The following ZNF585B variants were observed in gnomAD, a reference collection of about 807,000 sequenced individuals.
ZNF585B encodes the protein zinc finger protein 585B.
In ZNF585B, 7 loss-of-function variants were observed where a neutral mutation model predicts 14.0. That is an observed-to-expected ratio of 0.50 (90% CI 0.28 to 0.94). ZNF585B has a LOEUF of 0.94. ZNF585B is among the 40% of genes least tolerant of loss of function. The pLI, the probability that ZNF585B is intolerant of heterozygous loss-of-function variation, is 0.09. For synonymous variants in ZNF585B, 290 were observed against 317.3 expected, an observed-to-expected ratio of 0.91 and a Z score of 0.91; for missense variants, 750 against 924.4, an observed-to-expected ratio of 0.81 and a Z score of 2.45.
chr19:37,199,262 C>T (rs1452451776), intron 2 of ZNF585B: 3 of 377,480 alleles, frequency 7.9e-6, no homozygotes, highest in Non-Finnish European at 1.5e-5. Context: ...GTGCAGTGGC[C>T]CATGCTGTAA....
Position 37,183,298 on chromosome 19 carries a change from G to A in ZNF585B, c.*1929C>T, listed in dbSNP as rs1396364481. The A allele has an allele frequency of 6.6e-6, 1 of 152,186 alleles. No homozygotes were observed. The highest frequency in any genetic ancestry group is 1.5e-5 in the Non-Finnish European group (1 of 68,066). 9.4% of individuals were successfully genotyped at this position (152,186 alleles called of 1,614,324 possible). A position where few individuals can be genotyped will look rare whatever the true frequency, so the allele number is the denominator to read the frequency against. On this transcript the variant is annotated 3_prime_UTR_variant, in exon 5 of 5. Coordinates refer to ENST00000532828, the MANE Select transcript of ZNF585B (RefSeq NM_152279.4). ...AAGCCTGGTGTGTTTTAGCCAAGTT[G>A]GTTCTCCCTATTAGCGCTTCTTATG...
Position 37,210,524 on chromosome 19 carries a change from C to T in ZNF585B, c.-227G>A, listed in dbSNP as rs1036095206. 1.3e-5 allele frequency: 2 copies of T among 152,226 alleles called. No homozygotes were observed. The highest frequency in any genetic ancestry group is 1.9e-4 in the East Asian group (1 of 5,196). The allele number at this position is 152,226 out of a possible 1,614,324, so 9.4% of individuals were successfully genotyped here. A position where few individuals can be genotyped will look rare whatever the true frequency, so the allele number is the denominator to read the frequency against. On this transcript the variant is annotated 5_prime_UTR_variant, in exon 1 of 5. Transcript: ENST00000532828. ...GCGAAATAGCCTTCGGGGACCACTT[C>T]CACTTCCGGTCCGACTTCTAGCACC...
At chr19:37,187,548 T>C (rs1972352832) in intron 4 of ZNF585B, among the ~76,000 whole-genome samples, 1 of 152,240 alleles carries the variant, frequency 6.6e-6, no homozygotes, top group Non-Finnish European at 1.5e-5. Context: ...TGGTTATCAG[T>C]CTGTCACTGT....
In ZNF585B at chr19:37,185,992, G is replaced by C. The variant is rs1342692591; in HGVS notation, c.1545C>G (p.Ile515Met). Residue 515 changes from isoleucine (I) to methionine (M), a missense_variant, in exon 5 of 5, where the codon ATC (isoleucine) becomes ATG (methionine). Ile to Met is a conservative substitution (Grantham distance 10). This residue lies in a region of ZNF585B where 233 missense variants were observed against 354.1 expected (regional missense o/e 0.66). Coordinates refer to ENST00000532828, the MANE Select transcript of ZNF585B (RefSeq NM_152279.4). ...ATTCATAAGGCTTCTCCCCAGTATGGATTCTCTGATGTGTAATCAAGTCTG... is the reference window on the plus strand; with the variant it reads ...ATTCATAAGGCTTCTCCCCAGTATGCATTCTCTGATGTGTAATCAAGTCTG... ...QRSDLITHQR[I>M]HTGEKPYECN... The C allele has an allele frequency of 6.2e-7, 1 of 1,613,756 alleles. No homozygotes were observed. The highest frequency in any genetic ancestry group is 1.1e-5 in the South Asian group (1 of 91,058).
chr19:37,197,194 T>C (rs892204699), intron 2 of ZNF585B, among the ~76,000 whole-genome samples: 1 of 149,674 alleles, frequency 6.7e-6, no homozygotes. Flanking sequence ...AGTGATCTCA[T>C]AGTTCAATTC....
rs1343241258 is a variant in ZNF585B at position 37,186,157 on chromosome 19, G to A, written c.1380C>T (p.His460=). 6.2e-7 allele frequency: 1 copy of A among 1,614,006 alleles called. No individual in the cohort carries two copies. Among genetic ancestry groups the A allele is most frequent in the Admixed American group, 1.7e-5 (1 of 59,996 alleles). The change falls in exon 5 of 5, where the codon CAC becomes CAT. Residue 460 remains histidine, a synonymous_variant. Coordinates refer to ENST00000532828, the MANE Select transcript of ZNF585B (RefSeq NM_152279.4). ...KSQLHVHKRI[H]TGEKPYVCNK... The stretch of plus-strand genomic sequence containing the variant: ...TGCATACATAGGGCTTTTCTCCTGT[G>A]TGAATTCGTTTATGAACATGGAGTT...
In ZNF585B at chr19:37,190,675, C is replaced by T. The variant is rs1037641677; in HGVS notation, c.73-525G>A. 9.2e-5 allele frequency among the ~76,000 whole-genome samples: 14 copies of T among 151,922 alleles called. No homozygotes were observed. In the South Asian group the frequency reaches 2.7e-3, roughly 29 times the overall value. The stretch of plus-strand genomic sequence containing the variant: ...CCACCTCCCAGGTTCAAGCAATTCT[C>T]CTGCATCAGCCTCCTGAGTAGCTGG... On this transcript the variant is annotated intron_variant, in intron 2 of 4. Coordinates refer to ENST00000532828, the MANE Select transcript of ZNF585B (RefSeq NM_152279.4).
At chr19:37,195,662 T>C (rs903646073) in intron 2 of ZNF585B, among the ~76,000 whole-genome samples, 5 of 147,964 alleles carry the variant, frequency 3.4e-5, no homozygotes, top group Non-Finnish European at 7.4e-5. Flanking sequence ...ATTACATTCA[T>C]AATTTAAAAG....
chr19:37,197,869 G>A (rs1430789168), intron 2 of ZNF585B, among the ~76,000 whole-genome samples: 2 of 152,154 alleles, frequency 1.3e-5, no homozygotes, highest in Non-Finnish European at 2.9e-5. Flanking sequence ...AGGCTATAAT[G>A]TTAACAGGGA....
At chr19:37,208,053 A>T (rs1329767540) in intron 1 of ZNF585B, among the ~76,000 whole-genome samples, 1 of 152,046 alleles carries the variant, frequency 6.6e-6, no homozygotes, top group Non-Finnish European at 1.5e-5. Context: ...TCTCACTGCA[A>T]CCTCCACCTC....
At chr19:37,208,582 G>T in intron 1 of ZNF585B, among the ~76,000 whole-genome samples, 1 of 115,930 alleles carries the variant, frequency 8.6e-6, no homozygotes, top group African/African-American at 3.9e-5. Flanking sequence ...CAATCACTAA[G>T]CAAAAAAGGC....
At chr19:37,204,490 T>C (rs1972564957) in intron 2 of ZNF585B, among the ~76,000 whole-genome samples, 1 of 152,244 alleles carries the variant, frequency 6.6e-6, no homozygotes. Flanking sequence ...ACTCTGTCGT[T>C]ATATTTGAGC....
chr19:37,207,676 G>A (rs1972599650), intron 1 of ZNF585B, among the ~76,000 whole-genome samples: 1 of 152,148 alleles, frequency 6.6e-6, no homozygotes, highest in Admixed American at 6.6e-5. Flanking sequence ...AAATGCCTGT[G>A]TCACAGTTAC....
intron 2 of ZNF585B, chr19:37,199,071 T>C: frequency 7.2e-7 from 1 of 1,398,126 alleles, no homozygotes; most frequent in South Asian, 1.3e-5. Flanking sequence ...AGAATATACA[T>C]GTTCTAATTT....
Position 37,185,314 on chromosome 19 carries a change from A to G in ZNF585B, c.2223T>C (p.Thr741=). The change falls in exon 5 of 5, where the codon ACT becomes ACC. Residue 741 remains threonine, a synonymous_variant. Transcript: ENST00000532828. ...SNLNKHQTTH[T]GDKPYKCGIC... is the part of the protein sequence containing the mutation. ...TGCCACACTTGTAGGGTTTGTCTCC[A>G]GTGTGTGTTGTCTGATGTTTATTCA... 1 of 1,614,150 alleles carries G rather than the reference A, an allele frequency of 6.2e-7. No homozygotes were observed. Among genetic ancestry groups the G allele is most frequent in the Non-Finnish European group, 8.5e-7 (1 of 1,180,026 alleles).
At chr19:37,188,246 G>C (rs1169026945) in intron 4 of ZNF585B, among the ~76,000 whole-genome samples, 9 of 152,294 alleles carry the variant, frequency 5.9e-5, no homozygotes, top group South Asian at 2.1e-4. Flanking sequence ...CAGCACTTTG[G>C]GAGGCTGAGG....
intron 2 of ZNF585B, chr19:37,198,800 T>C (rs372150056): frequency 2.4e-4 from 68 of 278,200 alleles, no homozygotes; most frequent in Middle Eastern, 9.6e-4. Context: ...TATTATTTAT[T>C]GTATAAAGAT....
chr19:37,198,791 ATTAT>A (rs892874273), intron 2 of ZNF585B: 3 of 330,046 alleles, frequency 9.1e-6, no homozygotes, highest in African/African-American at 8.5e-5. Context: ...TAGTCACAAT[ATTAT>A]TTATTGTATA....
chr19:37,197,305 T>A (rs1350625906), intron 2 of ZNF585B, among the ~76,000 whole-genome samples: 1 of 152,310 alleles, frequency 6.6e-6, no homozygotes, highest in East Asian at 1.9e-4. Flanking sequence ...ACAAAGGACA[T>A]GAAATCATCC....
Sources: gnomAD v4.1 joint callset for allele counts (sites outside exome capture counted in the v4.1 genomes callset) on GRCh38, gnomAD v4.1.1 for gene constraint, gnomAD v4.1.1 regional missense constraint, MANE v1.5 for transcripts, NCBI Gene and HGNC (gene_info 2026-07-23, HGNC 2026-07-21) for gene names.